The following TRIM26 variants were observed in gnomAD, a reference collection of about 807,000 sequenced individuals.
TRIM26 encodes the protein tripartite motif-containing protein 26.
Under a neutral mutation model 45.5 loss-of-function variants are expected in TRIM26, and 16 were observed. The ratio of observed to expected loss-of-function variants is 0.35; its 90% CI spans 0.24 to 0.53. TRIM26 has a LOEUF of 0.53. Ranked by LOEUF, TRIM26 falls within the 20% of genes least tolerant of loss-of-function variation. TRIM26 has a pLI of 0.92. For missense variants in TRIM26, 442 were observed against 691.1 expected (o/e 0.64, Z 4.04); for synonymous variants, 273 against 290.4 (o/e 0.94, Z 0.61).
Position 30,189,815 on chromosome 6 carries a change from C to A in TRIM26, c.788+198G>T. 1.5e-6 allele frequency: 1 copy of A among 653,000 alleles called. No homozygotes were observed. The highest frequency in any genetic ancestry group is 2.6e-6 in the Non-Finnish European group (1 of 390,536). 40.5% of individuals were successfully genotyped at this position (653,000 alleles called of 1,614,324 possible). A position where few individuals can be genotyped will look rare whatever the true frequency, so the allele number is the denominator to read the frequency against. ...AGTGGGCCAAGGAGCTGGGGCTACA[C>A]AGAGAACCATAAGGAGGAGAGCAAG... On this transcript the variant is annotated intron_variant, in intron 7 of 9. Transcript: ENST00000454678. The surrounding 1 kb of genome is among the most constrained non-coding windows in gnomAD (Gnocchi z 5.0).
chr6:30,189,942 T>C lies in TRIM26; in HGVS notation c.788+71A>G. ...CCATACCACTCCCCATGAATTCAAATGCACCTGGTCAGAAGCGGGGGAACA... is the reference window on the plus strand; with the variant it reads ...CCATACCACTCCCCATGAATTCAAACGCACCTGGTCAGAAGCGGGGGAACA... On this transcript the variant is annotated intron_variant, in intron 7 of 9. Transcript: ENST00000454678. This position sits in a 1 kb window ranked among gnomAD's most constrained non-coding sequence, Gnocchi z 5.0. The C allele has an allele frequency of 6.3e-6, 10 of 1,588,138 alleles. No homozygotes were observed. Among genetic ancestry groups the C allele is most frequent in the Non-Finnish European group, 8.6e-6 (10 of 1,157,786 alleles).
At chr6:30,191,224 G>A (rs1775798812) in intron 6 of TRIM26, among the ~76,000 whole-genome samples, 1 of 152,160 alleles carries the variant, frequency 6.6e-6, no homozygotes, top group Admixed American at 6.5e-5. Flanking sequence ...TGACAGACAG[G>A]TGGTAGGGCA....
intron 1 of TRIM26, among the ~76,000 whole-genome samples, chr6:30,206,696 TAGTCTTCAAACTGGTG>T (rs1190615621): frequency 6.6e-6 from 1 of 152,250 alleles, no homozygotes; most frequent in Admixed American, 6.5e-5. Context: ...ATCAGATTTG[TAGTCTTCAAACTGGTG>T]AGTCTTCAAA....
rs1212519870 is a variant in TRIM26, at chr6:30,196,301, G to A, written c.765+215C>T. Among the ~76,000 whole-genome samples the A allele has an allele frequency of 6.6e-6, 1 of 152,184 alleles. No homozygotes were observed. The highest frequency in any genetic ancestry group is 6.5e-5 in the Admixed American group (1 of 15,280). On this transcript the variant is annotated intron_variant, in intron 6 of 9. Transcript: ENST00000454678. The surrounding 1 kb of genome is among the most constrained non-coding windows in gnomAD (Gnocchi z 4.9). The stretch of plus-strand genomic sequence containing the variant: ...ACCATTTAGTTTTTTGAACAGTTTT[G>A]TGTAAAAAGTTTATTTTTTGAAGTG...
chr6:30,196,628 G>A lies in TRIM26; in HGVS notation c.653C>T (p.Thr218Met), dbSNP rs149492198. Residue 218 changes from threonine (T) to methionine (M), a missense_variant, in exon 6 of 10, where the codon ACG becomes ATG. By Grantham distance (81) the Thr-to-Met change is moderately conservative (BLOSUM62 -1). Coordinates refer to ENST00000454678, the MANE Select transcript of TRIM26 (RefSeq NM_003449.5). The surrounding 1 kb of genome is among the most constrained non-coding windows in gnomAD (Gnocchi z 4.9). Reference protein sequence around the residue: ...EQLAKLEQELTEGREKFKSRG... With the variant: ...EQLAKLEQELMEGREKFKSRG... ...GCTCTTGAACTTCTCCCTGCCCTCCGTGAGCTCCTGCTCCAGCTTCGCCAG... is the reference window on the plus strand; with the variant it reads ...GCTCTTGAACTTCTCCCTGCCCTCCATGAGCTCCTGCTCCAGCTTCGCCAG... 474 of 1,614,066 alleles carry A rather than the reference G, an allele frequency of 2.9e-4. 1 individual carries two copies. Among genetic ancestry groups the A allele is most frequent in the Admixed American group, 1.1e-3 (67 of 60,024 alleles).
intron 6 of TRIM26, among the ~76,000 whole-genome samples, chr6:30,191,533 G>A (rs992619108): frequency 8.5e-5 from 13 of 152,078 alleles, no homozygotes; most frequent in Admixed American, 5.9e-4. Flanking sequence ...TACGCACCAC[G>A]GGAAAAGAGA....
chr6:30,205,822 A>T (rs368449090), intron 1 of TRIM26, among the ~76,000 whole-genome samples: 21 of 152,168 alleles, frequency 1.4e-4, no homozygotes, highest in East Asian at 1.2e-3. Context: ...AGCCTGGGTG[A>T]AACTCTGGCC....
In TRIM26 at chr6:30,209,400, CG is replaced by C. The variant is rs1306566682; in HGVS notation, c.-376+3904del. Among the ~76,000 whole-genome samples, 1 of 152,076 alleles carries C rather than the reference CG, an allele frequency of 6.6e-6. No individual in the cohort carries two copies. Among genetic ancestry groups the C allele is most frequent in the African/African-American group, 2.4e-5 (1 of 41,396 alleles). On this transcript the variant is annotated intron_variant, in intron 1 of 9. Coordinates refer to ENST00000454678, the MANE Select transcript of TRIM26 (RefSeq NM_003449.5). The surrounding 1 kb of genome is among the most constrained non-coding windows in gnomAD (Gnocchi z 4.8). ...CCCCCAAAAGTTCACGTGTTGGAAA[CG>C]TAATTGCCAATGTAACGGTATTAAG...
intron 6 of TRIM26, among the ~76,000 whole-genome samples, chr6:30,194,008 C>T (rs543194969): frequency 2.0e-5 from 3 of 152,070 alleles, no homozygotes; most frequent in Non-Finnish European, 4.4e-5. Flanking sequence ...TAAGTATAGC[C>T]GTTACGGAAA....
Position 30,198,958 on chromosome 6 carries a change from C to T in TRIM26, c.146G>A (p.Ser49Asn), listed in dbSNP as rs542701394. ...CTTDVRPISG[S>N]RPVCPLCKKP... ...CTTGCAGAGTGGGCAGACGGGGCGG[C>T]TCCCTGAGATGGGGCGGACGTCTGT... Residue 49 changes from serine (S) to asparagine (N), a missense_variant, in exon 4 of 10, where the codon AGC becomes AAC. Physicochemically the swap from Ser to Asn is conservative, Grantham distance 46. Coordinates refer to ENST00000454678, the MANE Select transcript of TRIM26 (RefSeq NM_003449.5). The surrounding 1 kb of genome is among the most constrained non-coding windows in gnomAD (Gnocchi z 6.3). 6.2e-7 allele frequency: 1 copy of T among 1,612,846 alleles called. No individual in the cohort carries two copies. Among genetic ancestry groups the T allele is most frequent in the Non-Finnish European group, 8.5e-7 (1 of 1,179,914 alleles).
At chr6:30,193,162 G>GTGTATATATATATATATATATA (rs1461878897) in intron 6 of TRIM26, among the ~76,000 whole-genome samples, 1 of 32,006 alleles carries the variant, frequency 3.1e-5, no homozygotes, top group African/African-American at 1.7e-4. Flanking sequence ...GTGTGTGTGT[G>GTGTATATATATATATATATATA]TATATATATA....
rs577936093 is a variant in TRIM26 at position 30,186,850 on chromosome 6, A to G, written c.938-292T>C. The stretch of plus-strand genomic sequence containing the variant: ...ACAAAACTTTTCATAAGCTTCCTCT[A>G]TCTCTGGATCTCTGGGTCCAACTCA... On this transcript the variant is annotated intron_variant, in intron 9 of 9. Coordinates refer to ENST00000454678, the MANE Select transcript of TRIM26 (RefSeq NM_003449.5). The surrounding 1 kb of genome is among the most constrained non-coding windows in gnomAD (Gnocchi z 7.4). 9 of 894,386 alleles carry G rather than the reference A, an allele frequency of 1.0e-5. No homozygotes were observed. The African/African-American group carries it at 1.5e-4, about 15-fold the overall frequency. The allele number at this position is 894,386 out of a possible 1,614,324, so 55.4% of individuals were successfully genotyped here.
At chr6:30,193,154 G>GTA (rs1562199733) in intron 6 of TRIM26, among the ~76,000 whole-genome samples, 11 of 49,138 alleles carry the variant, frequency 2.2e-4, no homozygotes, top group Admixed American at 3.0e-4. Flanking sequence ...GTGTGTGTGT[G>GTA]TGTGTGTGTA....
At chr6:30,210,345 C>T (rs2127538687) in intron 1 of TRIM26, among the ~76,000 whole-genome samples, 1 of 152,290 alleles carries the variant, frequency 6.6e-6, no homozygotes, top group Admixed American at 6.5e-5. Context: ...AAGACAGCCC[C>T]TTCTTCACTC....
intron 1 of TRIM26, among the ~76,000 whole-genome samples, chr6:30,208,706 T>C (rs1225858738): frequency 1.3e-5 from 2 of 152,178 alleles, no homozygotes; most frequent in Non-Finnish European, 2.9e-5. Context: ...TCAGTGAATA[T>C]TTCTGCATAC....
Position 30,186,776 on chromosome 6 carries a change from G to T in TRIM26, c.938-218C>A. On this transcript the variant is annotated intron_variant, in intron 9 of 9. Transcript: ENST00000454678. This position sits in a 1 kb window ranked among gnomAD's most constrained non-coding sequence, Gnocchi z 7.4. ...CATAACTAAACTGCTTTATAAACAT[G>T]ATATACTGAAATTTAACTTGACTGT... 3 of 1,047,312 alleles carry T rather than the reference G, an allele frequency of 2.9e-6. No individual in the cohort carries two copies. The highest frequency in any genetic ancestry group is 1.5e-5 in the South Asian group (1 of 68,704). 64.9% of individuals were successfully genotyped at this position (1,047,312 alleles called of 1,614,324 possible).
chr6:30,200,486 G>A (rs1187182865), intron 3 of TRIM26, among the ~76,000 whole-genome samples: 2 of 152,200 alleles, frequency 1.3e-5, no homozygotes, highest in Non-Finnish European at 2.9e-5. Flanking sequence ...CCCTCCAGAG[G>A]AGCACAGCTT....
In TRIM26 at chr6:30,196,404, G is replaced by T; in HGVS notation, c.765+112C>A. On this transcript the variant is annotated intron_variant, in intron 6 of 9. Transcript: ENST00000454678. The surrounding 1 kb of genome is among the most constrained non-coding windows in gnomAD (Gnocchi z 4.9). ...CAGCAGTAAGGATTATCATCTCCATGTTTCAGATGACAAAACTGAGCCCCC... is the reference window on the plus strand; with the variant it reads ...CAGCAGTAAGGATTATCATCTCCATTTTTCAGATGACAAAACTGAGCCCCC... 2.0e-6 allele frequency: 2 copies of T among 1,008,284 alleles called. No individual in the cohort carries two copies. Among genetic ancestry groups the T allele is most frequent in the Non-Finnish European group, 2.9e-6 (2 of 684,210 alleles). The allele number at this position is 1,008,284 out of a possible 1,614,324, so 62.5% of individuals were successfully genotyped here.
chr6:30,186,901 C>T lies in TRIM26; in HGVS notation c.938-343G>A. On this transcript the variant is annotated intron_variant, in intron 9 of 9. Coordinates refer to ENST00000454678, the MANE Select transcript of TRIM26 (RefSeq NM_003449.5). The surrounding 1 kb of genome is among the most constrained non-coding windows in gnomAD (Gnocchi z 7.4). ...TCATTAATATCATCCAAGTGTGGAT[C>T]ACCAGTCCCTGAAAAATCTGTTCCA... The T allele has an allele frequency of 3.0e-6, 2 of 665,482 alleles. No homozygotes were observed. The highest frequency in any genetic ancestry group is 5.3e-6 in the Non-Finnish European group (2 of 374,158). 41.2% of individuals were successfully genotyped at this position (665,482 alleles called of 1,614,324 possible).
Sources: gnomAD v4.1 joint callset for allele counts (sites outside exome capture counted in the v4.1 genomes callset) on GRCh38, gnomAD v4.1.1 for gene constraint, Gnocchi (gnomAD v3.1) non-coding constraint, MANE v1.5 for transcripts, NCBI Gene and HGNC (gene_info 2026-07-23, HGNC 2026-07-21) for gene names.